RPS6KC1: variants seen among roughly 807,000 people sequenced by gnomAD.
RPS6KC1 encodes the protein inactive ribosomal protein S6 kinase delta-1.
Under a neutral mutation model 103.8 loss-of-function variants are expected in RPS6KC1, and 54 were observed. The ratio of observed to expected loss-of-function variants is 0.52; its 90% CI spans 0.42 to 0.65. RPS6KC1 has a LOEUF of 0.65. RPS6KC1 is among the 30% of genes least tolerant of loss of function. RPS6KC1 has a pLI of 0.00. For synonymous variants in RPS6KC1, 439 were observed against 438.7 expected, an observed-to-expected ratio of 1.00 and a Z score of -0.01; for missense variants, 1,151 against 1,253.8, an observed-to-expected ratio of 0.92 and a Z score of 1.24.
At chr1:213,854,516 C>CTT in the RPS6KC1 span, among the ~76,000 whole-genome samples, 646 of 78,662 alleles carry the variant, frequency 8.2e-3, 3 homozygotes, top group Non-Finnish European at 0.013. Flanking sequence ...CTTTCTCTTT[C>CTT]TTTCTTTCTT....
At chr1:213,137,826 T>TTTTTTTTTTTTTTTTC (rs2086551914) in intron 6 of RPS6KC1, among the ~76,000 whole-genome samples, 1 of 116,230 alleles carries the variant, frequency 8.6e-6, no homozygotes, top group Non-Finnish European at 1.7e-5. Flanking sequence ...TTTTTTTTTT[T>TTTTTTTTTTTTTTTTC]CCTTCCCCCC....
At chr1:213,788,347 G>A in the RPS6KC1 span, among the ~76,000 whole-genome samples, 189 of 152,192 alleles carry the variant, frequency 1.2e-3, no homozygotes, top group African/African-American at 4.5e-3. Context: ...TATCAAGCAG[G>A]CATACAAACT....
the RPS6KC1 span, among the ~76,000 whole-genome samples, chr1:213,597,066 A>G: frequency 3.3e-5 from 5 of 152,314 alleles, no homozygotes; most frequent in Middle Eastern, 6.8e-3. Flanking sequence ...GGAGGATGGC[A>G]TACATACCCG....
chr1:213,243,278 TA>T (rs201145070), intron 12 of RPS6KC1, among the ~76,000 whole-genome samples: 2,901 of 45,958 alleles, frequency 0.063, 39 homozygotes, highest in Non-Finnish European at 0.094. Flanking sequence ...CCTGGCTAAT[TA>T]AAAAAATTTT....
At chr1:213,457,992 A>T in the RPS6KC1 span, among the ~76,000 whole-genome samples, 3 of 152,254 alleles carry the variant, frequency 2.0e-5, no homozygotes, top group Non-Finnish European at 4.4e-5. Flanking sequence ...AACTATTTTT[A>T]AAAAATACTA....
At chr1:213,711,827 G>C in the RPS6KC1 span, among the ~76,000 whole-genome samples, 10 of 152,116 alleles carry the variant, frequency 6.6e-5, no homozygotes, top group East Asian at 1.9e-4. Context: ...TGTTTGCCTG[G>C]GTATCACCAG....
intron 6 of RPS6KC1, among the ~76,000 whole-genome samples, chr1:213,143,599 A>T (rs2087347498): frequency 6.6e-6 from 1 of 151,024 alleles, no homozygotes; most frequent in Non-Finnish European, 1.5e-5. Context: ...TTGTTTAGCT[A>T]CCTCCTATAG....
intron 5 of RPS6KC1, among the ~76,000 whole-genome samples, chr1:213,126,523 A>G (rs1365322712): frequency 6.6e-6 from 1 of 152,132 alleles, no homozygotes; most frequent in Non-Finnish European, 1.5e-5. Flanking sequence ...GGCCAGTAAC[A>G]TGTTTTTACC....
the RPS6KC1 span, among the ~76,000 whole-genome samples, chr1:213,835,527 G>A: frequency 6.6e-6 from 1 of 152,160 alleles, no homozygotes; most frequent in Non-Finnish European, 1.5e-5. Context: ...GACTTGGCAG[G>A]GAGGACAGCT....
chr1:213,748,273 T>C, the RPS6KC1 span, among the ~76,000 whole-genome samples: 19 of 152,228 alleles, frequency 1.2e-4, no homozygotes, highest in Admixed American at 3.3e-4. Context: ...ATGACATTTC[T>C]AGGGTCTCTT....
At chr1:213,533,545 G>T in the RPS6KC1 span, among the ~76,000 whole-genome samples, 4 of 152,142 alleles carry the variant, frequency 2.6e-5, no homozygotes, top group African/African-American at 9.7e-5. Context: ...TAACGTTCCT[G>T]GTAAATGAGA....
intron 4 of RPS6KC1, among the ~76,000 whole-genome samples, chr1:213,105,172 T>G (rs949690398): frequency 6.6e-6 from 1 of 151,816 alleles, no homozygotes; most frequent in Non-Finnish European, 1.5e-5. Flanking sequence ...GATCATTGGA[T>G]ATTAGTGTTT....
At chr1:213,358,339 A>G in the RPS6KC1 span, among the ~76,000 whole-genome samples, 2 of 152,118 alleles carry the variant, frequency 1.3e-5, no homozygotes, top group South Asian at 2.1e-4. Flanking sequence ...CAGAGATTCA[A>G]CTTCTTCCTG....
chr1:213,445,303 G>A, the RPS6KC1 span, among the ~76,000 whole-genome samples: 4 of 152,178 alleles, frequency 2.6e-5, no homozygotes, highest in African/African-American at 9.7e-5. Context: ...TCATGTACAA[G>A]TCTTTATGTA....
intron 12 of RPS6KC1, among the ~76,000 whole-genome samples, chr1:213,251,046 A>G (rs1308015587): frequency 1.3e-5 from 2 of 152,052 alleles, no homozygotes; most frequent in African/African-American, 4.8e-5. Context: ...ACAGGGATAG[A>G]AAAAACCTTG....
chr1:213,112,554 T>A (rs1432637151), intron 4 of RPS6KC1, among the ~76,000 whole-genome samples: 1 of 151,438 alleles, frequency 6.6e-6, no homozygotes, highest in East Asian at 1.9e-4. Flanking sequence ...TTTTTTTTTA[T>A]TTTTATTTAT....
the RPS6KC1 span, among the ~76,000 whole-genome samples, chr1:213,311,574 T>A: frequency 6.6e-6 from 1 of 152,164 alleles, no homozygotes. Context: ...GAAGAGAGGT[T>A]GAAATTCCTG....
At chr1:213,824,721 A>G in the RPS6KC1 span, among the ~76,000 whole-genome samples, 8 of 152,162 alleles carry the variant, frequency 5.3e-5, no homozygotes, top group Non-Finnish European at 1.2e-4. Context: ...GCTGCCATCC[A>G]TATAAGACAT....
intron 8 of RPS6KC1, among the ~76,000 whole-genome samples, chr1:213,199,825 A>G (rs941488161): frequency 6.6e-6 from 1 of 152,216 alleles, no homozygotes; most frequent in Non-Finnish European, 1.5e-5. Flanking sequence ...AATCACTAGC[A>G]TTCCTATACA....
Sources: allele counts gnomAD v4.1 joint callset (sites outside exome capture counted in the v4.1 genomes callset), GRCh38; gene constraint gnomAD v4.1.1; transcripts MANE v1.5; gene names NCBI Gene and HGNC (gene_info 2026-07-23, HGNC 2026-07-21).